ANAPC1: variants seen among roughly 807,000 people sequenced by gnomAD.
The protein encoded by ANAPC1 is anaphase-promoting complex subunit 1.
Under a neutral mutation model 208.0 loss-of-function variants are expected in ANAPC1, and 36 were observed. The observed-to-expected ratio is 0.17, with a 90% CI of 0.13 to 0.23. ANAPC1 has a LOEUF of 0.23. Among genes scored for constraint, ANAPC1 ranks in the 10% least tolerant of loss-of-function variants. The probability of loss-of-function intolerance (pLI) is 1.00; values close to 1 mark genes in which losing one functional copy is unlikely to be tolerated. For missense variants in ANAPC1, 942 were observed against 2,011.6 expected (o/e 0.47, Z 10.17); for synonymous variants, 378 against 695.2 (o/e 0.54, Z 7.18).
chr2:111,878,183 G>C (rs1417530250), intron 3 of ANAPC1, among the ~76,000 whole-genome samples: 2 of 152,184 alleles, frequency 1.3e-5, no homozygotes, highest in East Asian at 1.9e-4. Flanking sequence ...TACAATCCTT[G>C]TTGGAATCAA....
chr2:111,799,181 C>G (rs1678316175), intron 34 of ANAPC1, among the ~76,000 whole-genome samples: 2 of 152,164 alleles, frequency 1.3e-5, no homozygotes, highest in African/African-American at 4.8e-5. Flanking sequence ...GATGGAGGAC[C>G]AATAAACCAA....
At chr2:111,870,663 T>C (rs1682697181) in intron 6 of ANAPC1, among the ~76,000 whole-genome samples, 1 of 152,222 alleles carries the variant, frequency 6.6e-6, no homozygotes, top group Non-Finnish European at 1.5e-5. Context: ...CTGTCTATTC[T>C]GACATTTCTT....
intron 19 of ANAPC1, among the ~76,000 whole-genome samples, chr2:111,834,103 T>C (rs1328727614): frequency 1.3e-5 from 2 of 152,160 alleles, no homozygotes; most frequent in Non-Finnish European, 2.9e-5. Flanking sequence ...AACCTCAGAC[T>C]GCAACAAGGA....
intron 18 of ANAPC1, among the ~76,000 whole-genome samples, chr2:111,836,404 A>C (rs893334111): frequency 6.6e-6 from 1 of 151,284 alleles, no homozygotes; most frequent in African/African-American, 2.4e-5. Context: ...ACTTTGAGAG[A>C]TAGGGGCAGG....
intron 38 of ANAPC1, among the ~76,000 whole-genome samples, chr2:111,791,099 T>C (rs1302580007): frequency 6.6e-6 from 1 of 152,140 alleles, no homozygotes; most frequent in South Asian, 2.1e-4. Context: ...AATAGATAAA[T>C]ATAAAAACTG....
intron 28 of ANAPC1, among the ~76,000 whole-genome samples, chr2:111,810,111 C>T (rs1451039414): frequency 6.6e-6 from 1 of 152,054 alleles, no homozygotes; most frequent in Non-Finnish European, 1.5e-5. Flanking sequence ...AACATTTATT[C>T]AACAATAAAA....
At chr2:111,829,984 C>T (rs1185850934) in intron 21 of ANAPC1, among the ~76,000 whole-genome samples, 1 of 152,016 alleles carries the variant, frequency 6.6e-6, no homozygotes, top group African/African-American at 2.4e-5. Context: ...GCAGGAGAAT[C>T]GCCTGAACCC....
chr2:111,829,122 G>A (rs753640029), intron 21 of ANAPC1, among the ~76,000 whole-genome samples: 3 of 152,202 alleles, frequency 2.0e-5, no homozygotes, highest in Admixed American at 6.5e-5. Context: ...GCTGAGGCAG[G>A]AGAATCGCTT....
chr2:111,798,206 G>A (rs966290887), intron 34 of ANAPC1, among the ~76,000 whole-genome samples: 1 of 149,102 alleles, frequency 6.7e-6, no homozygotes, highest in African/African-American at 2.5e-5. Context: ...ACAGGATAAA[G>A]ACGTGCACCA....
At chr2:111,837,038 A>G (rs1311894334) in intron 18 of ANAPC1, among the ~76,000 whole-genome samples, 6 of 151,996 alleles carry the variant, frequency 3.9e-5, no homozygotes, top group African/African-American at 7.3e-5. Flanking sequence ...TGCTTTATTC[A>G]TAAGACTTTA....
At chr2:111,867,153 G>T (rs1046297568) in intron 7 of ANAPC1, among the ~76,000 whole-genome samples, 2 of 151,968 alleles carry the variant, frequency 1.3e-5, no homozygotes, top group African/African-American at 4.8e-5. Context: ...AGCTGAGTGT[G>T]GTGGCACATG....
At chr2:111,820,793 T>G (rs974225127) in intron 26 of ANAPC1, among the ~76,000 whole-genome samples, 1 of 149,706 alleles carries the variant, frequency 6.7e-6, no homozygotes, top group African/African-American at 2.5e-5. Flanking sequence ...TTATTTGGAG[T>G]ATCATCTATC....
intron 19 of ANAPC1, among the ~76,000 whole-genome samples, 153 bp from the exon 20 acceptor site, chr2:111,833,464 A>C (rs1680291056): frequency 1.3e-5 from 2 of 150,024 alleles, no homozygotes; most frequent in Admixed American, 1.3e-4. Context: ...TTTGGACTTT[A>C]AAGTGCCCAG....
At chr2:111,810,504 A>T (rs1456869337) in intron 28 of ANAPC1, among the ~76,000 whole-genome samples, 2 of 151,356 alleles carry the variant, frequency 1.3e-5, no homozygotes, top group African/African-American at 4.9e-5. Flanking sequence ...AAGATTCCTT[A>T]AAAAAAAATA....
At chr2:111,782,042 A>C (rs2104493421) in intron 43 of ANAPC1, among the ~76,000 whole-genome samples, 1 of 152,272 alleles carries the variant, frequency 6.6e-6, no homozygotes, top group Non-Finnish European at 1.5e-5. Context: ...AAATTAAGTA[A>C]ATCTTCACCG....
At chr2:111,873,520 A>G (rs1228887106) in intron 4 of ANAPC1, 93 bp downstream of exon 4, 1 of 1,472,126 alleles carries the variant, frequency 6.8e-7, no homozygotes, top group Non-Finnish European at 9.0e-7. Flanking sequence ...GTAAACCACT[A>G]TTACTAGTGG....
At position 111,873,676 on chromosome 2, in the gene ANAPC1, A is replaced by C; in HGVS notation, c.376-12T>G. 1.3e-6 allele frequency: 2 copies of C among 1,580,408 alleles called. No homozygotes were observed. The highest frequency in any genetic ancestry group is 8.5e-7 in the Non-Finnish European group (1 of 1,170,618). On this transcript the variant is annotated splice_polypyrimidine_tract_variant and intron_variant, in intron 3 of 47. Transcript: ENST00000341068. ...TCACACCACAATGCCTAAAATCAAA[A>C]CAAAATGCTTACCTAAGAAAATTAT... is the stretch of plus-strand genomic sequence containing the variant.
chr2:111,825,314 A>C (rs1198841912), intron 22 of ANAPC1, 147 bp from the exon 23 acceptor site: 6 of 1,187,610 alleles, frequency 5.1e-6, no homozygotes, highest in Non-Finnish European at 7.0e-6. Context: ...CAGGCTGAAA[A>C]GTACAGTCAA....
At chr2:111,855,221 A>G (rs1054311265) in intron 13 of ANAPC1, among the ~76,000 whole-genome samples, 1 of 152,240 alleles carries the variant, frequency 6.6e-6, no homozygotes, top group African/African-American at 2.4e-5. Context: ...TCCTCATCTT[A>G]TATGGGTACA....
Sources: gnomAD v4.1 joint callset for allele counts (sites outside exome capture counted in the v4.1 genomes callset) on GRCh38, gnomAD v4.1.1 for gene constraint, MANE v1.5 for transcripts, NCBI Gene and HGNC (gene_info 2026-07-23, HGNC 2026-07-21) for gene names.